The following BCKDHB variants were observed in gnomAD, a reference collection of about 807,000 sequenced individuals.
BCKDHB encodes 2-oxoisovalerate dehydrogenase subunit beta, mitochondrial.
BCKDHB carries 41 observed loss-of-function variants against 48.5 expected under a neutral mutation model. The observed-to-expected ratio is 0.85, with a 90% CI of 0.66 to 1.10. The LOEUF is 1.10. Ranked by LOEUF, BCKDHB falls within the 50% of genes least tolerant of loss-of-function variation. The probability of loss-of-function intolerance (pLI) is 0.00; values close to 1 mark genes in which losing one functional copy is unlikely to be tolerated. For synonymous variants in BCKDHB, 201 were observed against 174.8 expected (o/e 1.15, Z -1.18); for missense variants, 496 against 494.2 (o/e 1.00, Z -0.03).
At chr6:80,294,279 A>G (rs1767103536) in intron 9 of BCKDHB, among the ~76,000 whole-genome samples, 1 of 152,196 alleles carries the variant, frequency 6.6e-6, no homozygotes, top group Non-Finnish European at 1.5e-5. Flanking sequence ...TAATCTCTTA[A>G]TCCTGTTATC....
intron 3 of BCKDHB, among the ~76,000 whole-genome samples, chr6:80,136,280 A>T (rs1003433338): frequency 1.3e-5 from 2 of 152,186 alleles, no homozygotes; most frequent in Non-Finnish European, 2.9e-5. Flanking sequence ...GATGAATGGA[A>T]TAGAATAGAG....
At chr6:80,321,515 G>A (rs1486855621) in intron 9 of BCKDHB, among the ~76,000 whole-genome samples, 5 of 152,138 alleles carry the variant, frequency 3.3e-5, no homozygotes, top group African/African-American at 1.2e-4. Context: ...TTCCTTATGT[G>A]TGAGGCTGAT....
At position 80,295,306 on chromosome 6, in the gene BCKDHB, A is replaced by G. The variant is rs1339944318; in HGVS notation, c.1038+22085A>G. Among the ~76,000 whole-genome samples, 3 of 152,292 alleles carry G rather than the reference A, an allele frequency of 2.0e-5. No homozygotes were observed. The East Asian group carries it at 5.8e-4, about 29-fold the overall frequency. ...GGATATAATGGACTTACACTTCCAC[A>G]TGGCTGGGGAGGCCTCATAATCATG... On this transcript the variant is annotated intron_variant, in intron 9 of 9. Transcript: ENST00000320393.
intron 9 of BCKDHB, among the ~76,000 whole-genome samples, chr6:80,293,357 G>C (rs114972797): frequency 6.6e-6 from 1 of 152,170 alleles, no homozygotes; most frequent in African/African-American, 2.4e-5. Context: ...TTAACACTAC[G>C]TGGAAGCTGC....
chr6:80,440,301 C>CA, the BCKDHB span, among the ~76,000 whole-genome samples: 1 of 151,952 alleles, frequency 6.6e-6, no homozygotes, highest in African/African-American at 2.4e-5. Flanking sequence ...AAGTACTCAA[C>CA]AAAAAAACAG....
At position 80,344,700 on chromosome 6, in the gene BCKDHB, A is replaced by G. The variant is rs886061811; in HGVS notation, c.*896A>G. The G allele has an allele frequency of 6.6e-6, 1 of 152,216 alleles. No homozygotes were observed. The highest frequency in any genetic ancestry group is 6.5e-5 in the Admixed American group (1 of 15,274). 9.4% of individuals were successfully genotyped at this position (152,216 alleles called of 1,614,324 possible). ...TGCATATGTTAACATTGAATAGTCA[A>G]TCACTAGATGAAGATGCTCTCTACC... On this transcript the variant is annotated 3_prime_UTR_variant, in exon 10 of 10. Transcript: ENST00000320393.
chr6:80,301,895 G>C (rs1454358871), intron 9 of BCKDHB, among the ~76,000 whole-genome samples: 4 of 151,946 alleles, frequency 2.6e-5, no homozygotes, highest in Admixed American at 6.6e-5. Flanking sequence ...AAGAATTACT[G>C]GGATAATCTA....
At chr6:80,320,402 A>T (rs1768661074) in intron 9 of BCKDHB, among the ~76,000 whole-genome samples, 1 of 152,120 alleles carries the variant, frequency 6.6e-6, no homozygotes, top group Non-Finnish European at 1.5e-5. Flanking sequence ...ACAGCCTTTT[A>T]TGTCCTTTCT....
intron 8 of BCKDHB, among the ~76,000 whole-genome samples, chr6:80,213,610 A>C (rs1582371334): frequency 6.9e-6 from 1 of 145,264 alleles, no homozygotes; most frequent in Admixed American, 6.9e-5. Flanking sequence ...CCTCCCCCTC[A>C]CTCTCTGCCC....
At chr6:80,394,627 G>T in the BCKDHB span, among the ~76,000 whole-genome samples, 1 of 152,126 alleles carries the variant, frequency 6.6e-6, no homozygotes, top group Non-Finnish European at 1.5e-5. Context: ...GGTTTGTCAA[G>T]TAACAGCATT....
intron 6 of BCKDHB, among the ~76,000 whole-genome samples, chr6:80,183,100 C>T (rs539166430): frequency 2.0e-5 from 3 of 152,140 alleles, no homozygotes; most frequent in Middle Eastern, 3.4e-3. Flanking sequence ...AAGAAAATTA[C>T]GCTTGTGTTC....
rs116969018 is a variant in BCKDHB, at chr6:80,146,943, G to A, written c.343+17714G>A. 8.1e-4 allele frequency among the ~76,000 whole-genome samples: 124 copies of A among 152,156 alleles called. 2 individuals are homozygous for A. The East Asian group carries it at 0.023, about 29-fold the overall frequency. ...TAAAGCTCTGGGGTTCTGTTACTGC[G>A]GGAGAAGGGGAGAATAAATACTGGG... On this transcript the variant is annotated intron_variant, in intron 3 of 9. Transcript: ENST00000320393.
At chr6:80,436,110 ATTAACT>A in the BCKDHB span, among the ~76,000 whole-genome samples, 9 of 116,874 alleles carry the variant, frequency 7.7e-5, no homozygotes, top group African/African-American at 1.5e-4. Context: ...AAAACCTAAT[ATTAACT>A]TTGTTTGTAT....
At chr6:80,161,306 G>A (rs949081513) in intron 3 of BCKDHB, among the ~76,000 whole-genome samples, 2 of 151,982 alleles carry the variant, frequency 1.3e-5, no homozygotes, top group African/African-American at 4.8e-5. Context: ...TACTACCTGA[G>A]CTAAGCTGTG....
At chr6:80,424,293 A>G in the BCKDHB span, among the ~76,000 whole-genome samples, 1 of 152,194 alleles carries the variant, frequency 6.6e-6, no homozygotes, top group Non-Finnish European at 1.5e-5. Context: ...TGTTCTTGTG[A>G]TGCCTTTAAA....
At chr6:80,348,580 A>G (rs892353499), downstream of BCKDHB, among the ~76,000 whole-genome samples, 13 of 152,364 alleles carry the variant, frequency 8.5e-5, no homozygotes, top group African/African-American at 2.9e-4. Context: ...CCATGCAGAA[A>G]CAAAAAGTAT....
At chr6:80,201,875 A>G (rs1313870549) in intron 7 of BCKDHB, among the ~76,000 whole-genome samples, 1 of 152,204 alleles carries the variant, frequency 6.6e-6, no homozygotes, top group Non-Finnish European at 1.5e-5. Context: ...GCAATGCAAT[A>G]TAAAGAAGAT....
the BCKDHB span, among the ~76,000 whole-genome samples, chr6:80,461,686 A>G: frequency 6.6e-6 from 1 of 152,130 alleles, no homozygotes; most frequent in Non-Finnish European, 1.5e-5. Flanking sequence ...CCCTATGGCC[A>G]TATTAAAATA....
chr6:80,112,306 A>C (rs1480906861), intron 1 of BCKDHB, among the ~76,000 whole-genome samples: 2 of 152,162 alleles, frequency 1.3e-5, no homozygotes, highest in Non-Finnish European at 2.9e-5. Context: ...CCAAAATTTC[A>C]GGTCAAGCAG....
Sources: gnomAD v4.1 joint callset for allele counts (sites outside exome capture counted in the v4.1 genomes callset) on GRCh38, gnomAD v4.1.1 for gene constraint, MANE v1.5 for transcripts, NCBI Gene and HGNC (gene_info 2026-07-23, HGNC 2026-07-21) for gene names.